SPRED1: variants seen among roughly 807,000 people sequenced by gnomAD.
SPRED1 encodes the protein sprouty-related, EVH1 domain-containing protein 1.
In SPRED1, 18 loss-of-function variants were observed where a neutral mutation model predicts 52.3. The observed-to-expected ratio is 0.34, with a 90% confidence interval of 0.24 to 0.51. The LOEUF is 0.51. Among genes scored for constraint, SPRED1 ranks in the 20% least tolerant of loss-of-function variants. SPRED1 has a pLI of 0.97. For synonymous variants in SPRED1, 155 were observed against 179.7 expected (o/e 0.86, Z 1.10); for missense variants, 485 against 551.0 (o/e 0.88, Z 1.20).
intron 1 of SPRED1, 129 bp from the exon 2 acceptor site, chr15:38,299,244 A>G: frequency 1.9e-6 from 2 of 1,030,452 alleles, no homozygotes; most frequent in Non-Finnish European, 3.0e-6. Flanking sequence ...GTAGATTTTC[A>G]TGGAAGTAGT....
intron 1 of SPRED1, 39 bp from the exon 2 acceptor site, chr15:38,299,334 T>C: frequency 6.2e-7 from 1 of 1,611,946 alleles, no homozygotes; most frequent in Non-Finnish European, 8.5e-7. Context: ...GTTTTTTGTT[T>C]ATGGAAAAGC....
At chr15:38,309,201 C>T (rs377086755) in intron 2 of SPRED1, among the ~76,000 whole-genome samples, 20 of 152,214 alleles carry the variant, frequency 1.3e-4, no homozygotes, top group East Asian at 5.8e-4. Context: ...AGTGCAGTGG[C>T]GTGATCTTGG....
chr15:38,337,044 TC>T (rs1306190357), intron 4 of SPRED1, among the ~76,000 whole-genome samples: 8 of 152,218 alleles, frequency 5.3e-5, no homozygotes, highest in Non-Finnish European at 1.2e-4. Context: ...CAAGAAGTGG[TC>T]AAAATGTGTG....
intron 1 of SPRED1, among the ~76,000 whole-genome samples, chr15:38,270,744 A>C (rs1249021047): frequency 2.0e-5 from 3 of 152,240 alleles, no homozygotes; most frequent in African/African-American, 7.2e-5. Flanking sequence ...CCAAATCAGC[A>C]TTAAATTAAA....
intron 2 of SPRED1, among the ~76,000 whole-genome samples, chr15:38,308,427 A>G (rs1309260198): frequency 6.6e-6 from 1 of 152,178 alleles, no homozygotes; most frequent in East Asian, 1.9e-4. Context: ...CGTTTTCACT[A>G]CCACAGACAA....
chr15:38,289,910 G>A (rs1190341732), intron 1 of SPRED1, among the ~76,000 whole-genome samples: 3 of 152,176 alleles, frequency 2.0e-5, no homozygotes, highest in African/African-American at 7.2e-5. Context: ...GTTTGTGGTA[G>A]TTGTTAGGAC....
chr15:38,297,681 T>C (rs1895066853), intron 1 of SPRED1, among the ~76,000 whole-genome samples: 1 of 8,870 alleles, frequency 1.1e-4, no homozygotes, highest in Non-Finnish European at 8.9e-4. Context: ...AATTCAATTA[T>C]TTCCCAGATC....
chr15:38,338,598 T>G (rs1451755934), intron 4 of SPRED1, among the ~76,000 whole-genome samples: 1 of 152,152 alleles, frequency 6.6e-6, no homozygotes, highest in African/African-American at 2.4e-5. Flanking sequence ...CTCAGATATA[T>G]TTTTAATAGT....
chr15:38,343,092 GAGTAA>G (rs1440071127), intron 5 of SPRED1, among the ~76,000 whole-genome samples: 16 of 152,088 alleles, frequency 1.1e-4, no homozygotes, highest in Admixed American at 3.3e-4. Context: ...GACAGTGATG[GAGTAA>G]GGAAAGGAAA....
chr15:38,303,115 C>T (rs894094373), intron 2 of SPRED1, among the ~76,000 whole-genome samples: 2 of 151,982 alleles, frequency 1.3e-5, no homozygotes, highest in Middle Eastern at 3.4e-3. Context: ...ACCCGGGAGG[C>T]GTAGGTGGCA....
At chr15:38,256,771 A>G (rs1238447786) in intron 1 of SPRED1, among the ~76,000 whole-genome samples, 4 of 152,134 alleles carry the variant, frequency 2.6e-5, no homozygotes, top group South Asian at 4.1e-4. Flanking sequence ...GTAAATAAAC[A>G]TATGTTCACC....
chr15:38,328,019 T>A (rs973473782), intron 4 of SPRED1, among the ~76,000 whole-genome samples: 8 of 152,222 alleles, frequency 5.3e-5, no homozygotes, highest in African/African-American at 1.9e-4. Flanking sequence ...TTTTGGAATG[T>A]ATGGGAAGTT....
intron 1 of SPRED1, among the ~76,000 whole-genome samples, chr15:38,288,382 T>C (rs1420721702): frequency 1.3e-5 from 2 of 152,178 alleles, no homozygotes; most frequent in African/African-American, 4.8e-5. Context: ...AGGTTCCTAC[T>C]CATGGAGCGT....
chr15:38,333,659 T>C (rs1050888843), intron 4 of SPRED1, among the ~76,000 whole-genome samples: 5 of 152,118 alleles, frequency 3.3e-5, no homozygotes, highest in African/African-American at 9.7e-5. Context: ...CGATTGTGAA[T>C]ACATGAATTG....
intron 4 of SPRED1, among the ~76,000 whole-genome samples, chr15:38,325,773 C>G (rs1051092463): frequency 6.6e-6 from 1 of 152,108 alleles, no homozygotes; most frequent in Non-Finnish European, 1.5e-5. Flanking sequence ...CAGCTCCAAG[C>G]AAGCCTTAAT....
At chr15:38,306,019 C>T (rs1034555682) in intron 2 of SPRED1, among the ~76,000 whole-genome samples, 1 of 151,938 alleles carries the variant, frequency 6.6e-6, no homozygotes, top group Non-Finnish European at 1.5e-5. Context: ...TTTTACCTGG[C>T]TCCTTCTAAC....
intron 2 of SPRED1, among the ~76,000 whole-genome samples, 181 bp from the exon 3 acceptor site, chr15:38,322,060 T>C (rs1895613604): frequency 6.6e-6 from 1 of 152,162 alleles, no homozygotes; most frequent in Non-Finnish European, 1.5e-5. Context: ...ATAATGTGCA[T>C]TTTTTTATTC....
chr15:38,272,087 C>A (rs963523079), intron 1 of SPRED1, among the ~76,000 whole-genome samples: 2 of 149,732 alleles, frequency 1.3e-5, no homozygotes, highest in Non-Finnish European at 2.9e-5. Flanking sequence ...TGATTTTGTT[C>A]TTCTTTGTGG....
At chr15:38,330,717 A>G (rs1313846867) in intron 4 of SPRED1, among the ~76,000 whole-genome samples, 1 of 152,114 alleles carries the variant, frequency 6.6e-6, no homozygotes, top group Non-Finnish European at 1.5e-5. Context: ...CAATGATATA[A>G]TTATTTAAAA....
Sources: allele counts gnomAD v4.1 joint callset (sites outside exome capture counted in the v4.1 genomes callset), GRCh38; gene constraint gnomAD v4.1.1; transcripts MANE v1.5; gene names NCBI Gene and HGNC (gene_info 2026-07-23, HGNC 2026-07-21).